KDM3B: variants seen among roughly 807,000 people sequenced by gnomAD.
KDM3B encodes the protein lysine-specific demethylase 3B.
KDM3B carries 10 observed loss-of-function variants against 170.0 expected under a neutral mutation model. The ratio of observed to expected loss-of-function variants is 0.06; its 90% CI spans 0.04 to 0.10. The LOEUF is 0.10. Among genes scored for constraint, KDM3B ranks in the 10% least tolerant of loss-of-function variants. The pLI is 1.00. For missense variants in KDM3B, 1,394 were observed against 2,195.2 expected (o/e 0.64, Z 7.29); for synonymous variants, 831 against 834.8 (o/e 1.00, Z 0.08).
intron 1 of KDM3B, among the ~76,000 whole-genome samples, chr5:138,360,573 T>TA (rs1761574492): frequency 6.2e-3 from 1 of 162 alleles, no homozygotes; most frequent in Non-Finnish European, 0.12. Context: ...GTTCTATTTC[T>TA]TTTTTTTTTT....
chr5:138,399,763 T>A (rs558919309), intron 10 of KDM3B, 97 bp from the exon 11 acceptor site: 10 of 1,097,096 alleles, frequency 9.1e-6, no homozygotes, highest in Admixed American at 2.6e-5. Flanking sequence ...TGAGTTTTAT[T>A]GCTGAACAAA....
At chr5:138,431,350 A>G (rs1763527465) in intron 22 of KDM3B, 75 bp from the exon 23 acceptor site, 4 of 1,256,018 alleles carry the variant, frequency 3.2e-6, no homozygotes, top group South Asian at 3.5e-5. Flanking sequence ...TTTTTTAACT[A>G]TATCATGGAC....
intron 1 of KDM3B, among the ~76,000 whole-genome samples, chr5:138,360,425 T>A (rs1477166453): frequency 6.6e-6 from 1 of 152,134 alleles, no homozygotes; most frequent in East Asian, 1.9e-4. Context: ...ATCTTAACTC[T>A]CCCCTTACAG....
chr5:138,368,062 C>A (rs1189705399), intron 1 of KDM3B, among the ~76,000 whole-genome samples: 3 of 151,956 alleles, frequency 2.0e-5, no homozygotes, highest in African/African-American at 4.8e-5. Flanking sequence ...TTAGTCCTCC[C>A]CTACTAAGAT....
intron 17 of KDM3B, among the ~76,000 whole-genome samples, chr5:138,426,511 C>T (rs1763396398): frequency 6.8e-6 from 1 of 146,742 alleles, no homozygotes; most frequent in African/African-American, 2.5e-5. Flanking sequence ...GGAGGCGGAG[C>T]TTGCAGTGAG....
intron 1 of KDM3B, among the ~76,000 whole-genome samples, chr5:138,364,861 A>G (rs938195507): frequency 6.6e-6 from 1 of 152,196 alleles, no homozygotes. Context: ...AAAGCACTAT[A>G]TGTGCTGGAG....
At chr5:138,380,496 C>T (rs1382638215) in intron 5 of KDM3B, among the ~76,000 whole-genome samples, 1 of 151,882 alleles carries the variant, frequency 6.6e-6, no homozygotes, top group Non-Finnish European at 1.5e-5. Flanking sequence ...AAAGATCTGT[C>T]TCATCCTTTA....
intron 7 of KDM3B, among the ~76,000 whole-genome samples, chr5:138,390,327 T>C (rs185553995): frequency 3.0e-4 from 46 of 152,344 alleles, no homozygotes; most frequent in African/African-American, 1.0e-3. Context: ...ATTCTAATTA[T>C]AACAAAGGTC....
At chr5:138,373,344 A>G (rs947129690) in intron 2 of KDM3B, among the ~76,000 whole-genome samples, 4 of 152,312 alleles carry the variant, frequency 2.6e-5, no homozygotes, top group Middle Eastern at 6.8e-3. Flanking sequence ...TGTCTCAAAA[A>G]CAAAAAAAAC....
chr5:138,381,587 C>A lies in KDM3B; in HGVS notation c.777C>A (p.Ser259Arg). 6.3e-7 allele frequency: 1 copy of A among 1,587,092 alleles called. No individual in the cohort carries two copies. The highest frequency in any genetic ancestry group is 2.2e-5 in the East Asian group (1 of 44,762). Residue 259 changes from serine to arginine, a missense_variant, in exon 6 of 24, where the codon AGC (serine) becomes AGA (arginine). Physicochemically the swap from Ser to Arg is moderately radical, Grantham distance 110. This residue lies in a region of KDM3B where 166 missense variants were observed against 216.4 expected (regional missense o/e 0.77). Transcript: ENST00000314358. ...TGATGGATAATTCAGCGCCTCAAAG[C>A]GAGGTACAGTAATGGACTGCATTCC... is the stretch of plus-strand genomic sequence containing the variant. The part of the protein sequence containing the change: ...VMLMDNSAPQ[S>R]EGGTLKAVKS...
chr5:138,407,871 C>T (rs1005249743), intron 11 of KDM3B, among the ~76,000 whole-genome samples: 1 of 152,136 alleles, frequency 6.6e-6, no homozygotes, highest in Non-Finnish European at 1.5e-5. Flanking sequence ...GTTACCACTC[C>T]AGAGCGGGGA....
In KDM3B at chr5:138,419,146, C is replaced by T. The variant is rs1423094324; in HGVS notation, c.3629C>T (p.Pro1210Leu). 2 of 1,614,108 alleles carry T rather than the reference C, an allele frequency of 1.2e-6. No homozygotes were observed. Among genetic ancestry groups the T allele is most frequent in the African/African-American group, 2.7e-5 (2 of 74,926 alleles). The stretch of plus-strand genomic sequence containing the variant: ...AATAGTGAACTGAAAGCCATCAGGC[C>T]TCCTTGCCCTGACACGGCCCCACCC... The part of the protein sequence containing the change: ...NSNSELKAIR[P>L]PCPDTAPPSS... The change falls in exon 14 of 24, where the codon CCT becomes CTT. Residue 1210 changes from proline (P) to leucine (L), a missense_variant. Transcript: ENST00000314358.
In KDM3B at chr5:138,417,469, C is replaced by T; in HGVS notation, c.3308-14C>T. The T allele has an allele frequency of 6.2e-7, 1 of 1,613,432 alleles. No homozygotes were observed. The highest frequency in any genetic ancestry group is 8.5e-7 in the Non-Finnish European group (1 of 1,179,554). On this transcript the variant is annotated splice_polypyrimidine_tract_variant and intron_variant, in intron 12 of 23. Transcript: ENST00000314358. ...TATTCTGGTGTTATTTTTATTGTTA[C>T]ATTTTTTTCCCAGCTCTTTACAATA...
chr5:138,364,209 G>A (rs1761688153), intron 1 of KDM3B, among the ~76,000 whole-genome samples: 3 of 152,148 alleles, frequency 2.0e-5, no homozygotes, highest in South Asian at 4.1e-4. Flanking sequence ...GTAAGCCAGC[G>A]CACCCAGCCT....
intron 15 of KDM3B, 132 bp from the exon 16 acceptor site, chr5:138,423,943 C>G: frequency 1.2e-6 from 1 of 806,256 alleles, no homozygotes; most frequent in Non-Finnish European, 1.8e-6. Context: ...TTGTAAAAGA[C>G]ATTTTAATAA....
rs3798151 is a variant in KDM3B at position 138,435,808 on chromosome 5, G to T, written c.*108G>T. ...AGCAGAGGCCCTTCACCCAGAGCCA[G>T]TGTGGTCAGTATTCCAAACTCTCCA... On this transcript the variant is annotated 3_prime_UTR_variant, in exon 24 of 24. Coordinates refer to ENST00000314358, the MANE Select transcript of KDM3B (RefSeq NM_016604.4). The T allele has an allele frequency of 3.6e-6, 3 of 826,642 alleles. No homozygotes were observed. Among genetic ancestry groups the T allele is most frequent in the Non-Finnish European group, 5.9e-6 (3 of 505,054 alleles). The allele number at this position is 826,642 out of a possible 1,614,324, so 51.2% of individuals were successfully genotyped here.
intron 1 of KDM3B, among the ~76,000 whole-genome samples, chr5:138,354,834 T>A (rs1175549833): frequency 6.6e-6 from 1 of 152,222 alleles, no homozygotes; most frequent in East Asian, 1.9e-4. Context: ...ATTTTGAGAA[T>A]ACATTTATGC....
At chr5:138,431,346 A>T in intron 22 of KDM3B, 79 bp from the exon 23 acceptor site, 1 of 1,216,712 alleles carries the variant, frequency 8.2e-7, no homozygotes, top group Admixed American at 2.7e-5. Flanking sequence ...GGGTTTTTTT[A>T]ACTATATCAT....
intron 15 of KDM3B, among the ~76,000 whole-genome samples, chr5:138,421,300 A>G (rs1262127283): frequency 6.6e-6 from 1 of 152,184 alleles, no homozygotes; most frequent in South Asian, 2.1e-4. Flanking sequence ...TAGATGTCTC[A>G]AACCTTTAAT....
Sources: gnomAD v4.1 joint callset for allele counts (sites outside exome capture counted in the v4.1 genomes callset) on GRCh38, gnomAD v4.1.1 for gene constraint, gnomAD v4.1.1 regional missense constraint, MANE v1.5 for transcripts, NCBI Gene and HGNC (gene_info 2026-07-23, HGNC 2026-07-21) for gene names.